GAK: variants seen among roughly 807,000 people sequenced by gnomAD.
GAK encodes cyclin G associated kinase.
Under a neutral mutation model 143.9 loss-of-function variants are expected in GAK, and 79 were observed. The observed-to-expected ratio is 0.55, with a 90% CI of 0.46 to 0.66. The LOEUF (loss-of-function observed/expected upper bound fraction) is 0.66, where lower values mean the gene tolerates loss of function less well. Ranked by LOEUF, GAK falls within the 30% of genes least tolerant of loss-of-function variation. The probability of loss-of-function intolerance (pLI) is 0.00; values close to 1 mark genes in which losing one functional copy is unlikely to be tolerated. For missense variants in GAK, 1,693 were observed against 1,779.7 expected (o/e 0.95, Z 0.88); for synonymous variants, 881 against 765.5 (o/e 1.15, Z -2.49).
Position 902,605 on chromosome 4 carries a change from A to AAAAAAAAAACAAC in GAK, c.525+2031_525+2032insGTTGTTTTTTTTT, listed in dbSNP as rs1553889064. On this transcript the variant is annotated intron_variant, in intron 5 of 27. Transcript: ENST00000314167. Reference sequence around the variant, plus strand: ...TGTAGAGTGACTGACTCAAAAAAAAAAAAAAAAAACCCCAAAAAACCTCTT... The same window carrying AAAAAAAAAACAAC: ...TGTAGAGTGACTGACTCAAAAAAAAAAAAAAAAAACAACAAAAAAAAACCCCAAAAAACCTCTT... Among the ~76,000 whole-genome samples, 8 of 130,310 alleles carry AAAAAAAAAACAAC rather than the reference A, an allele frequency of 6.1e-5. 1 individual carries two copies. The Admixed American group carries it at 6.6e-4, about 11-fold the overall frequency. The allele number at this position is 130,310 out of a possible 152,430, so 85.5% of individuals were successfully genotyped here. A position where few individuals can be genotyped will look rare whatever the true frequency, so the allele number is the denominator to read the frequency against.
Position 927,812 on chromosome 4 carries a change from G to A in GAK, c.145+4231C>T, listed in dbSNP as rs545099916. Among the ~76,000 whole-genome samples the A allele has an allele frequency of 3.6e-3, 469 of 131,672 alleles. 3 individuals are homozygous for A. The highest frequency in any genetic ancestry group is 0.012 in the African/African-American group (401 of 34,626). The allele number at this position is 131,672 out of a possible 152,430, so 86.4% of individuals were successfully genotyped here. A position where few individuals can be genotyped will look rare whatever the true frequency, so the allele number is the denominator to read the frequency against. On this transcript the variant is annotated intron_variant, in intron 1 of 27. Transcript: ENST00000314167. ...GCCCCGCACCCCTCCCTGGGTGAGC[G>A]CAGGCCCCGCACCCCTCCCTGGGTG...
chr4:863,324 A>C (rs1750620127), intron 23 of GAK, among the ~76,000 whole-genome samples: 1 of 152,228 alleles, frequency 6.6e-6, no homozygotes, highest in South Asian at 2.1e-4. Flanking sequence ...ATGAGCAAAG[A>C]AAGTAGTTTA....
At chr4:929,980 T>C (rs1577349532) in intron 1 of GAK, among the ~76,000 whole-genome samples, 1 of 152,348 alleles carries the variant, frequency 6.6e-6, no homozygotes, top group East Asian at 1.9e-4. Flanking sequence ...TACAGAATAC[T>C]TTCCCAAGTC....
rs918627943 is a variant in GAK, at chr4:931,884, C to A, written c.145+159G>T. On this transcript the variant is annotated intron_variant, in intron 1 of 27. Transcript: ENST00000314167. ...ACCTTCGCCTGGCCCTGACCCACGC[C>A]CTCGGCAGAGACCCTCCCCTGGCCG... Among the ~76,000 whole-genome samples the A allele has an allele frequency of 2.6e-5, 4 of 152,172 alleles. No individual in the cohort carries two copies. In the South Asian group the frequency reaches 8.3e-4, roughly 31 times the overall value.
chr4:904,874 G>C, intron 4 of GAK, 95 bp from the exon 5 acceptor site: 8 of 1,259,098 alleles, frequency 6.4e-6, no homozygotes, highest in Non-Finnish European at 2.2e-6. Context: ...GAACTAAATG[G>C]AAAGGAAAAC....
At chr4:880,461 G>C (rs1009603034) in intron 15 of GAK, among the ~76,000 whole-genome samples, 2 of 152,180 alleles carry the variant, frequency 1.3e-5, no homozygotes, top group African/African-American at 4.8e-5. Context: ...GGCCAGGTCT[G>C]GGCCTCCCTT....
chr4:926,824 C>T (rs1249903), intron 1 of GAK, among the ~76,000 whole-genome samples: 4 of 151,448 alleles, frequency 2.6e-5, no homozygotes, highest in South Asian at 2.1e-4. Flanking sequence ...ACCTGCGCTC[C>T]GCACTGCCCC....
chr4:849,814 G>C, intron 27 of GAK, 40 bp from the exon 28 acceptor site: 1 of 1,527,586 alleles, frequency 6.5e-7, no homozygotes, highest in South Asian at 1.2e-5. Context: ...TTATAAGCAT[G>C]CGGGGGCGGG....
At chr4:849,833 G>GGGCCCCCCCCC in intron 27 of GAK, 59 bp from the exon 28 acceptor site, 3 of 1,190,148 alleles carry the variant, frequency 2.5e-6, no homozygotes, top group Non-Finnish European at 3.5e-6. Flanking sequence ...GGCGGGGCAG[G>GGGCCCCCCCCC]ACCCCCCCCC....
In GAK at chr4:888,916, C is replaced by A. The variant is rs200248212; in HGVS notation, c.1136G>T (p.Arg379Leu). Residue 379 changes from arginine (R) to leucine (L), a missense_variant, in exon 11 of 28, where the codon CGG becomes CTG. Arg to Leu is a moderately radical substitution (Grantham distance 102). Transcript: ENST00000314167. ...GGTGAAGAGCCGCTCTGTCCCACCC[C>A]GCAGAATGTCCAGGAAGCCGCCATA... Reference protein sequence around the residue: ...QPYGGFLDILRGGTERLFTNL... With the variant: ...QPYGGFLDILLGGTERLFTNL... The A allele has an allele frequency of 6.2e-7, 1 of 1,612,610 alleles. No homozygotes were observed. Among genetic ancestry groups the A allele is most frequent in the South Asian group, 1.1e-5 (1 of 90,926 alleles).
At position 914,249 on chromosome 4, in the gene GAK, C is replaced by A. The variant is rs371616967; in HGVS notation, c.146-581G>T. Among the ~76,000 whole-genome samples the A allele has an allele frequency of 1.0e-3, 70 of 68,022 alleles. 1 individual carries two copies. Among genetic ancestry groups the A allele is most frequent in the South Asian group, 3.7e-3 (5 of 1,360 alleles). 44.6% of individuals were successfully genotyped at this position (68,022 alleles called of 152,430 possible). ...CAGCCCCAGCGTGCACGGCCCCCCC[C>A]CACACACACAGCCCCAGCGTGCACG... On this transcript the variant is annotated intron_variant, in intron 1 of 27. Transcript: ENST00000314167.
intron 1 of GAK, among the ~76,000 whole-genome samples, chr4:928,080 TAG>T (rs1268457966): frequency 1.3e-5 from 2 of 152,144 alleles, no homozygotes; most frequent in Admixed American, 6.5e-5. Flanking sequence ...TTTTTTGAGA[TAG>T]AGTCTCGCTC....
At chr4:928,962 G>A (rs1231857663) in intron 1 of GAK, among the ~76,000 whole-genome samples, 2 of 151,820 alleles carry the variant, frequency 1.3e-5, no homozygotes, top group East Asian at 1.9e-4. Flanking sequence ...GGGTTTCCCC[G>A]TGTTGCCCAG....
intron 17 of GAK, 76 bp from the exon 18 acceptor site, chr4:876,685 A>G: frequency 7.8e-7 from 1 of 1,277,146 alleles, no homozygotes; most frequent in Non-Finnish European, 1.1e-6. Context: ...ATTTTTCCCA[A>G]TGGGCGAGAT....
At chr4:851,272 A>AT (rs1161777631) in intron 25 of GAK, 188 bp from the exon 26 acceptor site, 19 of 502,334 alleles carry the variant, frequency 3.8e-5, no homozygotes, top group Non-Finnish European at 6.5e-5. Flanking sequence ...TAATTTTTAC[A>AT]TTTTTTGTAG....
At position 911,711 on chromosome 4, in the gene GAK, C is replaced by T; in HGVS notation, c.344G>A (p.Gly115Glu). The change falls in exon 4 of 28, where the codon GGG becomes GAG. Residue 115 changes from glycine to glutamate, a missense_variant. Transcript: ENST00000314167. ...TGTGAGCAAGAGGAACTCAGCCTGC[C>T]CCGTGTCTGACTCCTCTTTTCCTAT... ...ASIGKEESDT[G>E]QAEFLLLTEL... The T allele has an allele frequency of 1.2e-6, 2 of 1,613,918 alleles. No individual in the cohort carries two copies. Among genetic ancestry groups the T allele is most frequent in the Non-Finnish European group, 1.7e-6 (2 of 1,179,888 alleles).
At chr4:849,833 G>GGCCGCCCCCC in intron 27 of GAK, 59 bp from the exon 28 acceptor site, 1 of 1,190,156 alleles carries the variant, frequency 8.4e-7, no homozygotes, top group Non-Finnish European at 1.2e-6. Context: ...GGCGGGGCAG[G>GGCCGCCCCCC]ACCCCCCCCC....
At chr4:896,721 C>T (rs1421002459) in intron 6 of GAK, among the ~76,000 whole-genome samples, 172 bp from the exon 7 acceptor site, 2 of 152,284 alleles carry the variant, frequency 1.3e-5, no homozygotes, top group African/African-American at 4.8e-5. Context: ...ACCAGCTCCG[C>T]TGCTCATCTT....
Position 931,452 on chromosome 4 carries a change from C to G in GAK, c.145+591G>C, listed in dbSNP as rs1015712236. ...CCCCCCAGGCTACAACCGCAACTACCTGCAACACGTGTGCACCCACCAACT... is the reference window on the plus strand; with the variant it reads ...CCCCCCAGGCTACAACCGCAACTACGTGCAACACGTGTGCACCCACCAACT... On this transcript the variant is annotated intron_variant, in intron 1 of 27. Coordinates refer to ENST00000314167, the MANE Select transcript of GAK (RefSeq NM_005255.4). Among the ~76,000 whole-genome samples the G allele has an allele frequency of 2.0e-5, 3 of 149,662 alleles. No homozygotes were observed. In the South Asian group the frequency reaches 6.5e-4, roughly 32 times the overall value.
Sources: gnomAD v4.1 joint callset for allele counts (sites outside exome capture counted in the v4.1 genomes callset) on GRCh38, gnomAD v4.1.1 for gene constraint, MANE v1.5 for transcripts, NCBI Gene and HGNC (gene_info 2026-07-23, HGNC 2026-07-21) for gene names.